The following C12orf42 variants were observed in gnomAD, a reference collection of about 807,000 sequenced individuals.
C12orf42 encodes uncharacterized protein C12orf42.
Under a neutral mutation model 21.6 loss-of-function variants are expected in C12orf42, and 25 were observed. That is an observed-to-expected ratio of 1.16 (90% CI 0.84 to 1.62). The LOEUF (loss-of-function observed/expected upper bound fraction) is 1.62, where lower values mean the gene tolerates loss of function less well. Among genes scored for constraint, C12orf42 ranks in the 40% most tolerant of loss-of-function variants. The pLI is 0.00. For synonymous variants in C12orf42, 174 were observed against 175.0 expected (o/e 0.99, Z 0.05); for missense variants, 483 against 459.3 (o/e 1.05, Z -0.47).
chr12:103,049,386 C>T, the C12orf42 span, among the ~76,000 whole-genome samples: 1 of 152,188 alleles, frequency 6.6e-6, no homozygotes, highest in African/African-American at 2.4e-5. Flanking sequence ...CTTCAAAACG[C>T]ATCTGAATTT....
At chr12:103,047,705 G>C in the C12orf42 span, among the ~76,000 whole-genome samples, 1 of 152,186 alleles carries the variant, frequency 6.6e-6, no homozygotes, top group Non-Finnish European at 1.5e-5. Context: ...GCCAGGCCTG[G>C]CTGATCTTGG....
intron 10 of C12orf42, among the ~76,000 whole-genome samples, chr12:103,238,066 CTAGAG>C: frequency 6.6e-6 from 1 of 152,078 alleles, no homozygotes; most frequent in East Asian, 1.9e-4. Context: ...AATCTGCACC[CTAGAG>C]TAGAGTATGG....
chr12:103,124,155 C>CTTTTTTTTT, the C12orf42 span, among the ~76,000 whole-genome samples: 1 of 75,990 alleles, frequency 1.3e-5, no homozygotes, highest in African/African-American at 5.0e-5. Context: ...CAAACATAAG[C>CTTTTTTTTT]TTTTTTTTTT....
chr12:103,098,141 G>A, the C12orf42 span, among the ~76,000 whole-genome samples: 27 of 152,336 alleles, frequency 1.8e-4, no homozygotes, highest in Admixed American at 1.4e-3. Flanking sequence ...AACTGCCAAA[G>A]GATGCAAGGT....
intron 4 of C12orf42, among the ~76,000 whole-genome samples, chr12:103,293,427 A>C (rs534670533): frequency 2.6e-5 from 4 of 152,106 alleles, no homozygotes; most frequent in African/African-American, 9.7e-5. Context: ...AGGTACCACG[A>C]AAGTTGATCA....
chr12:103,438,544 G>A (rs1054068979), intron 2 of C12orf42, among the ~76,000 whole-genome samples: 2 of 152,016 alleles, frequency 1.3e-5, no homozygotes, highest in Non-Finnish European at 2.9e-5. Flanking sequence ...AAGCTGATAA[G>A]CAACTTCAGC....
the C12orf42 span, chr12:103,559,665 G>A: frequency 2.0e-5 from 3 of 152,198 alleles, no homozygotes; most frequent in South Asian, 6.2e-4. Context: ...AGAGAAAGCA[G>A]GTGTGTGACA....
At position 103,257,506 on chromosome 12, in the gene C12orf42, TGAA is replaced by T. The variant is rs74400161; in HGVS notation, c.*1366+5817_*1366+5819del. ...CAAAGACATTAAAGTATACAAGACA[TGAA>T]GAAGCAATAAAAATCAGAATTTTTA... On this transcript the variant is annotated intron_variant and NMD_transcript_variant, in intron 10 of 10. Coordinates refer to the C12orf42 transcript ENST00000547347. Among the ~76,000 whole-genome samples the T allele has an allele frequency of 0.012, 1,750 of 152,030 alleles. 93 individuals carry two copies. The East Asian group carries it at 0.19, about 16-fold the overall frequency.
intron 3 of C12orf42, among the ~76,000 whole-genome samples, chr12:103,389,722 A>G (rs1336944133): frequency 6.6e-6 from 1 of 152,216 alleles, no homozygotes; most frequent in Non-Finnish European, 1.5e-5. Context: ...GTAGAAGGTC[A>G]CAGGGGCAGG....
At chr12:103,534,544 C>T in the C12orf42 span, among the ~76,000 whole-genome samples, 1 of 152,148 alleles carries the variant, frequency 6.6e-6, no homozygotes, top group Non-Finnish European at 1.5e-5. Flanking sequence ...TCCACAAATA[C>T]TTACTTCACA....
intron 2 of C12orf42, among the ~76,000 whole-genome samples, chr12:103,459,615 T>G (rs1023842914): frequency 6.6e-6 from 1 of 152,196 alleles, no homozygotes; most frequent in African/African-American, 2.4e-5. Flanking sequence ...TAAACCTTTT[T>G]TCTTAATAAA....
At chr12:103,497,210 C>T (rs543192887), upstream of C12orf42, among the ~76,000 whole-genome samples, 13 of 152,230 alleles carry the variant, frequency 8.5e-5, 1 homozygote, top group African/African-American at 3.1e-4. Context: ...ATATCCATGG[C>T]TTTGACATAA....
intron 10 of C12orf42, among the ~76,000 whole-genome samples, chr12:103,243,666 C>T (rs998153152): frequency 2.0e-5 from 3 of 152,006 alleles, no homozygotes; most frequent in Non-Finnish European, 4.4e-5. Context: ...AAACTCTATC[C>T]ACAATAAGCT....
the C12orf42 span, among the ~76,000 whole-genome samples, chr12:103,534,124 A>G: frequency 0.013 from 2,008 of 152,362 alleles, 49 homozygotes; most frequent in African/African-American, 0.046. Flanking sequence ...GAAAATACTT[A>G]TCCTCATTGA....
chr12:103,389,418 GA>G (rs2046888572), intron 3 of C12orf42, among the ~76,000 whole-genome samples: 1 of 152,174 alleles, frequency 6.6e-6, no homozygotes, highest in African/African-American at 2.4e-5. Flanking sequence ...GAGGCCAAAG[GA>G]AAGGAGGAAT....
At chr12:103,491,494 T>TA (rs1360563843) in intron 1 of C12orf42, among the ~76,000 whole-genome samples, 3 of 152,226 alleles carry the variant, frequency 2.0e-5, no homozygotes, top group Non-Finnish European at 2.9e-5. Flanking sequence ...GAAAGCCTTA[T>TA]ATCTAATGGA....
intron 10 of C12orf42, among the ~76,000 whole-genome samples, chr12:103,256,105 T>C (rs1312659168): frequency 3.7e-4 from 14 of 37,846 alleles, no homozygotes; most frequent in South Asian, 1.4e-3. Flanking sequence ...TATATATATA[T>C]ATATATACAC....
At chr12:103,164,718 A>G in the C12orf42 span, 7 of 455,526 alleles carry the variant, frequency 1.5e-5, no homozygotes, top group Admixed American at 1.4e-4. Context: ...AGCGGAAACC[A>G]TGATGAATAC....
At chr12:103,216,338 C>T in the C12orf42 span, among the ~76,000 whole-genome samples, 1 of 151,660 alleles carries the variant, frequency 6.6e-6, no homozygotes, top group Non-Finnish European at 1.5e-5. Context: ...AATTTCAGAC[C>T]CAGAATTCTC....
Sources: allele counts gnomAD v4.1 joint callset (sites outside exome capture counted in the v4.1 genomes callset), GRCh38; gene constraint gnomAD v4.1.1; transcripts MANE v1.5; gene names NCBI Gene and HGNC (gene_info 2026-07-23, HGNC 2026-07-21).